CACNA1H: variants seen among roughly 807,000 people sequenced by gnomAD.
CACNA1H encodes voltage-dependent T-type calcium channel subunit alpha-1H.
CACNA1H carries 149 observed loss-of-function variants against 192.5 expected under a neutral mutation model. That is an observed-to-expected ratio of 0.77 (90% confidence interval 0.68 to 0.89). The LOEUF (loss-of-function observed/expected upper bound fraction) is 0.89, where lower values mean the gene tolerates loss of function less well. Ranked by LOEUF, CACNA1H falls within the 40% of genes least tolerant of loss-of-function variation. The pLI, the probability that CACNA1H is intolerant of heterozygous loss-of-function variation, is 0.00. For synonymous variants in CACNA1H, 2,202 were observed against 1,475.2 expected, an observed-to-expected ratio of 1.49 and a Z score of -11.29; for missense variants, 4,257 against 3,423.5, an observed-to-expected ratio of 1.24 and a Z score of -6.08.
At position 1,202,019 on chromosome 16, in the gene CACNA1H, C is replaced by T; in HGVS notation, c.1569C>T (p.His523=). 1 of 1,531,374 alleles carries T rather than the reference C, an allele frequency of 6.5e-7. No homozygotes were observed. The highest frequency in any genetic ancestry group is 8.8e-7 in the Non-Finnish European group (1 of 1,140,166). 94.9% of individuals were successfully genotyped at this position (1,531,374 alleles called of 1,614,324 possible). A position where few individuals can be genotyped will look rare whatever the true frequency, so the allele number is the denominator to read the frequency against. ...SVHHLVYHHH[H]HHHHHYHFSH... ...ACCACCTGGTCTACCACCACCATCA[C>T]CACCACCACCACCACTACCATTTCA... The change falls in exon 9 of 35, where the codon CAC becomes CAT. Residue 523 remains histidine, a synonymous_variant. Transcript: ENST00000348261.
intron 2 of CACNA1H, among the ~76,000 whole-genome samples, chr16:1,182,773 TGTCA>T (rs1965602709): frequency 2.0e-5 from 3 of 152,128 alleles, no homozygotes; most frequent in Admixed American, 1.3e-4. Flanking sequence ...CCGACGAGGC[TGTCA>T]GTCACTGTGG....
chr16:1,187,966 C>A (rs1428856301), intron 2 of CACNA1H, among the ~76,000 whole-genome samples: 1 of 152,224 alleles, frequency 6.6e-6, no homozygotes, highest in Non-Finnish European at 1.5e-5. Flanking sequence ...AGGAGCCAGG[C>A]CGAGCCGTGT....
intron 2 of CACNA1H, among the ~76,000 whole-genome samples, chr16:1,170,474 G>C (rs558217166): frequency 2.6e-5 from 4 of 152,330 alleles, no homozygotes; most frequent in South Asian, 2.1e-4. Flanking sequence ...GCGGGTGGAC[G>C]GGAGGAGATG....
At chr16:1,162,376 C>T (rs1363135489) in intron 2 of CACNA1H, among the ~76,000 whole-genome samples, 3 of 152,042 alleles carry the variant, frequency 2.0e-5, no homozygotes, top group Non-Finnish European at 2.9e-5. Flanking sequence ...ACCTGTGGGC[C>T]CCCCCGGAGG....
chr16:1,170,754 G>A (rs1358259532), intron 2 of CACNA1H, among the ~76,000 whole-genome samples: 1 of 152,206 alleles, frequency 6.6e-6, no homozygotes, highest in Non-Finnish European at 1.5e-5. Context: ...GTGTGCAGGA[G>A]GAAGAGGCCA....
At chr16:1,187,635 G>T (rs947903884) in intron 2 of CACNA1H, among the ~76,000 whole-genome samples, 4 of 152,226 alleles carry the variant, frequency 2.6e-5, no homozygotes, top group African/African-American at 9.6e-5. Flanking sequence ...CGGCACTGAT[G>T]TCAGGATGCA....
In CACNA1H at chr16:1,202,852, C is replaced by T. The variant is rs1311967862; in HGVS notation, c.2002+400C>T. ...TTCGTGGCCATTGAGGCTGGCCCCC[C>T]TTCTAGGTGGGGACGCTGAGTGGGG... On this transcript the variant is annotated intron_variant, in intron 9 of 34. Transcript: ENST00000348261. 2.6e-5 allele frequency among the ~76,000 whole-genome samples: 4 copies of T among 152,228 alleles called. No homozygotes were observed. In the South Asian group the frequency reaches 8.3e-4, roughly 32 times the overall value.
At chr16:1,213,319 CCTG>C (rs1250017114) in intron 26 of CACNA1H, among the ~76,000 whole-genome samples, 1 of 152,176 alleles carries the variant, frequency 6.6e-6, no homozygotes. Context: ...AGTGTCTCAG[CCTG>C]AGGCCAGGCA....
chr16:1,202,898 C>T (rs973247789), intron 9 of CACNA1H, among the ~76,000 whole-genome samples: 9 of 152,002 alleles, frequency 5.9e-5, no homozygotes, highest in African/African-American at 9.7e-5. Flanking sequence ...GAGGCACCGT[C>T]GCAGAGTCAC....
intron 27 of CACNA1H, 82 bp downstream of exon 27, chr16:1,214,013 C>A: frequency 8.1e-7 from 1 of 1,229,346 alleles, no homozygotes; most frequent in Non-Finnish European, 1.2e-6. Flanking sequence ...CAACCCTGGA[C>A]CGGCGCTCCG....
At chr16:1,206,458 C>T (rs958031300) in intron 12 of CACNA1H, 169 bp downstream of exon 12, 11 of 642,974 alleles carry the variant, frequency 1.7e-5, no homozygotes, top group Middle Eastern at 4.2e-4. Context: ...TGATTGGGCC[C>T]CTACTGTGTG....
At position 1,221,171 on chromosome 16, in the gene CACNA1H, C is replaced by A; in HGVS notation, c.*177C>A. ...TGCCCAGCGAAGCAGGAGTAGCTGC[C>A]GGGCCCCACGAGCCTCCGTCCGTTC... On this transcript the variant is annotated 3_prime_UTR_variant, in exon 35 of 35. Coordinates refer to ENST00000348261, the MANE Select transcript of CACNA1H (RefSeq NM_021098.3). 1 of 549,154 alleles carries A rather than the reference C, an allele frequency of 1.8e-6. No individual in the cohort carries two copies. The highest frequency in any genetic ancestry group is 3.3e-5 in the Admixed American group (1 of 30,038). 34.0% of individuals were successfully genotyped at this position (549,154 alleles called of 1,614,324 possible). A position where few individuals can be genotyped will look rare whatever the true frequency, so the allele number is the denominator to read the frequency against.
Position 1,215,382 on chromosome 16 carries a change from GC to G in CACNA1H, c.5173+10del. On this transcript the variant is annotated splice_region_variant and intron_variant, in intron 29 of 34. Transcript: ENST00000348261. ...GTGCTTCGCATTGCCCGTGGTAGGT[GC>G]CCGCGTGCCCGCCAGGTTCTCTCTG... The G allele has an allele frequency of 1.3e-6, 2 of 1,495,456 alleles. No homozygotes were observed. Among genetic ancestry groups the G allele is most frequent in the Non-Finnish European group, 1.8e-6 (2 of 1,109,316 alleles). The allele number at this position is 1,495,456 out of a possible 1,614,324, so 92.6% of individuals were successfully genotyped here. A position where few individuals can be genotyped will look rare whatever the true frequency, so the allele number is the denominator to read the frequency against.
chr16:1,196,092 C>A, intron 5 of CACNA1H, 69 bp downstream of exon 5: 1 of 1,241,108 alleles, frequency 8.1e-7, no homozygotes, highest in South Asian at 1.2e-5. Flanking sequence ...GCAGAGCTCT[C>A]AAAAGGGCCC....
chr16:1,162,686 T>C (rs953024534), intron 2 of CACNA1H, among the ~76,000 whole-genome samples: 2 of 147,480 alleles, frequency 1.4e-5, no homozygotes, highest in Admixed American at 6.8e-5. Flanking sequence ...CTTGGGACCC[T>C]GTGAAGGGGT....
chr16:1,205,718 C>T (rs979673271), intron 11 of CACNA1H, among the ~76,000 whole-genome samples: 35 of 152,198 alleles, frequency 2.3e-4, no homozygotes, highest in African/African-American at 7.2e-4. Context: ...GGAGGACGCT[C>T]ATCCCTCAAG....
intron 2 of CACNA1H, among the ~76,000 whole-genome samples, chr16:1,193,359 G>T (rs904229502): frequency 1.3e-5 from 2 of 152,258 alleles, no homozygotes; most frequent in African/African-American, 4.8e-5. Context: ...GCTGGGAGAG[G>T]CCAAGGGGCC....
At chr16:1,172,773 C>T (rs1254222901) in intron 2 of CACNA1H, among the ~76,000 whole-genome samples, 1 of 152,058 alleles carries the variant, frequency 6.6e-6, no homozygotes, top group Non-Finnish European at 1.5e-5. Context: ...GAGTGGGCTG[C>T]TGCTGCCTGG....
Position 1,187,072 on chromosome 16 carries a change from C to T in CACNA1H, c.300-7900C>T, listed in dbSNP as rs1240678214. Among the ~76,000 whole-genome samples the T allele has an allele frequency of 3.3e-5, 5 of 152,260 alleles. No individual in the cohort carries two copies. The South Asian group carries it at 8.3e-4, about 25-fold the overall frequency. Reference sequence around the variant, plus strand: ...AGAGGCGATGGAGTCCCTCAGAGCCCGCGACCGTCCCCTCCGCACTGCGGG... The same window carrying T: ...AGAGGCGATGGAGTCCCTCAGAGCCTGCGACCGTCCCCTCCGCACTGCGGG... On this transcript the variant is annotated intron_variant, in intron 2 of 34. Coordinates refer to ENST00000348261, the MANE Select transcript of CACNA1H (RefSeq NM_021098.3).
Sources: allele counts gnomAD v4.1 joint callset (sites outside exome capture counted in the v4.1 genomes callset), GRCh38; gene constraint gnomAD v4.1.1; transcripts MANE v1.5; gene names NCBI Gene and HGNC (gene_info 2026-07-23, HGNC 2026-07-21).